The following RNF169 variants were observed in gnomAD, a reference collection of about 807,000 sequenced individuals.
RNF169 encodes the protein E3 ubiquitin-protein ligase RNF169.
Under a neutral mutation model 53.9 loss-of-function variants are expected in RNF169, and 24 were observed. The ratio of observed to expected loss-of-function variants is 0.45; its 90% CI spans 0.32 to 0.63. RNF169 has a LOEUF of 0.63. RNF169 is among the 20% of genes least tolerant of loss of function. The pLI is 0.04. For synonymous variants in RNF169, 396 were observed against 363.5 expected, an observed-to-expected ratio of 1.09 and a Z score of -1.02; for missense variants, 883 against 906.2, an observed-to-expected ratio of 0.97 and a Z score of 0.33.
chr11:74,799,290 TAAATTTTAACTACATG>T (rs2035696313), intron 2 of RNF169, among the ~76,000 whole-genome samples: 1 of 152,108 alleles, frequency 6.6e-6, no homozygotes, highest in Non-Finnish European at 1.5e-5. Context: ...ATAGAATGTT[TAAATTTTAACTACATG>T]AGGGAAGAAC....
intron 1 of RNF169, among the ~76,000 whole-genome samples, chr11:74,787,323 A>G (rs1365174134): frequency 6.6e-6 from 1 of 152,234 alleles, no homozygotes; most frequent in Non-Finnish European, 1.5e-5. Flanking sequence ...ATCAAGAAGA[A>G]AAAGTTAATA....
chr11:74,751,261 A>G (rs2034891451), intron 1 of RNF169, among the ~76,000 whole-genome samples: 1 of 152,178 alleles, frequency 6.6e-6, no homozygotes, highest in African/African-American at 2.4e-5. Context: ...AGAGAGGTTA[A>G]CTAACTTGCC....
At chr11:74,828,474 A>C (rs2036130777) in intron 4 of RNF169, among the ~76,000 whole-genome samples, 2 of 152,222 alleles carry the variant, frequency 1.3e-5, no homozygotes, top group Admixed American at 1.3e-4. Context: ...AATTAGAAAA[A>C]ACTATTTTAA....
intron 1 of RNF169, among the ~76,000 whole-genome samples, chr11:74,788,728 T>A (rs190921327): frequency 6.6e-6 from 1 of 152,336 alleles, no homozygotes; most frequent in East Asian, 1.9e-4. Context: ...AAAAATTTCT[T>A]ACATTAATTT....
At chr11:74,814,964 A>G (rs2035923951) in intron 3 of RNF169, among the ~76,000 whole-genome samples, 1 of 152,130 alleles carries the variant, frequency 6.6e-6, no homozygotes, top group African/African-American at 2.4e-5. Flanking sequence ...TAGGTTTATT[A>G]TGCTCCCACC....
chr11:74,778,947 A>C (rs2035377207), intron 1 of RNF169, among the ~76,000 whole-genome samples: 1 of 152,178 alleles, frequency 6.6e-6, no homozygotes, highest in African/African-American at 2.4e-5. Context: ...TGCATCTTTC[A>C]CTAACTTAAG....
intron 3 of RNF169, among the ~76,000 whole-genome samples, chr11:74,814,998 C>CT (rs1164858510): frequency 2.0e-5 from 3 of 152,154 alleles, no homozygotes; most frequent in African/African-American, 7.2e-5. Context: ...GAGTACTAAA[C>CT]TAATTTCCTC....
At position 74,838,626 on chromosome 11, in the gene RNF169, T is replaced by TGC. The variant is rs1204268003; in HGVS notation, c.*1897_*1898dup. 4 of 152,256 alleles carry TGC rather than the reference T, an allele frequency of 2.6e-5. No individual in the cohort carries two copies. Among genetic ancestry groups the TGC allele is most frequent in the African/African-American group, 7.2e-5 (3 of 41,468 alleles). The allele number at this position is 152,256 out of a possible 1,614,324, so 9.4% of individuals were successfully genotyped here. The stretch of plus-strand genomic sequence containing the variant: ...ATGCATTCTGTGTTCTCTGTGTGTG[T>TGC]GCACATATGCAGATGTATGTTTTAA... On this transcript the variant is annotated 3_prime_UTR_variant, in exon 6 of 6. Transcript: ENST00000299563.
At chr11:74,800,720 T>C (rs2035716830) in intron 2 of RNF169, among the ~76,000 whole-genome samples, 1 of 152,240 alleles carries the variant, frequency 6.6e-6, no homozygotes, top group African/African-American at 2.4e-5. Flanking sequence ...AGTTGGAGGC[T>C]GGCAAGTTAC....
At chr11:74,813,450 G>A (rs1176877411) in intron 3 of RNF169, among the ~76,000 whole-genome samples, 1 of 151,962 alleles carries the variant, frequency 6.6e-6, no homozygotes. Context: ...ATAATAATGC[G>A]AATTATTAGA....
intron 4 of RNF169, among the ~76,000 whole-genome samples, chr11:74,823,333 G>C (rs993604350): frequency 1.3e-5 from 2 of 152,124 alleles, no homozygotes; most frequent in African/African-American, 4.8e-5. Context: ...AACTCCAAAA[G>C]CCTTCCATAA....
At chr11:74,827,780 C>T (rs939825609) in intron 4 of RNF169, among the ~76,000 whole-genome samples, 4 of 152,124 alleles carry the variant, frequency 2.6e-5, no homozygotes, top group Non-Finnish European at 5.9e-5. Context: ...AAATTCAGCA[C>T]CCCTTCATGT....
chr11:74,803,101 T>TG (rs1224000581), intron 2 of RNF169, among the ~76,000 whole-genome samples: 2 of 150,184 alleles, frequency 1.3e-5, no homozygotes, highest in African/African-American at 2.5e-5. Context: ...TCTTTTTTTT[T>TG]TTTTGAGATA....
At chr11:74,786,243 T>G (rs1179312313) in intron 1 of RNF169, among the ~76,000 whole-genome samples, 1 of 143,462 alleles carries the variant, frequency 7.0e-6, no homozygotes, top group Non-Finnish European at 1.5e-5. Context: ...CTGGCCTGTT[T>G]CTTTTTTTTT....
intron 1 of RNF169, among the ~76,000 whole-genome samples, chr11:74,782,650 G>A (rs1565175821): frequency 6.6e-6 from 1 of 152,128 alleles, no homozygotes; most frequent in African/African-American, 2.4e-5. Context: ...AATATAAGTG[G>A]TATAGCATCA....
At chr11:74,800,373 A>G (rs891065823) in intron 2 of RNF169, among the ~76,000 whole-genome samples, 1 of 152,230 alleles carries the variant, frequency 6.6e-6, no homozygotes, top group African/African-American at 2.4e-5. Flanking sequence ...ATCATAATAC[A>G]GATGATGTAG....
At chr11:74,761,040 G>T in intron 1 of RNF169, among the ~76,000 whole-genome samples, 1 of 56,790 alleles carries the variant, frequency 1.8e-5, no homozygotes, top group Non-Finnish European at 3.1e-5. Context: ...TCCTCTTGTT[G>T]AATTGATCCC....
rs2034846959 is a variant in RNF169, at chr11:74,749,332, C to T, written c.452C>T (p.Ala151Val). The change falls in exon 1 of 6, where the codon GCC becomes GTC. Residue 151 changes from alanine (A) to valine (V), a missense_variant. Around this residue, in one of 3 missense-constraint regions of RNF169, gnomAD observed 313 missense variants for 279.9 expected, o/e 1.12. Transcript: ENST00000299563. ...CRPRRDGGAA[A>V]AGPRPEQEPR... ...CCGCGCCGGGACGGGGGCGCGGCTG[C>T]CGCGGGGCCCAGGCCAGAGCAGGAG... is the stretch of plus-strand genomic sequence containing the variant. 1 of 1,207,934 alleles carries T rather than the reference C, an allele frequency of 8.3e-7. No homozygotes were observed. The allele number at this position is 1,207,934 out of a possible 1,614,324, so 74.8% of individuals were successfully genotyped here.
chr11:74,799,160 A>G (rs1424894608), intron 2 of RNF169, among the ~76,000 whole-genome samples: 1 of 147,394 alleles, frequency 6.8e-6, no homozygotes. Context: ...AGAAATGCCC[A>G]CTTTTAGCAT....
Sources: allele counts gnomAD v4.1 joint callset (sites outside exome capture counted in the v4.1 genomes callset), GRCh38; gene constraint gnomAD v4.1.1; regional missense constraint gnomAD v4.1.1; transcripts MANE v1.5; gene names NCBI Gene and HGNC (gene_info 2026-07-23, HGNC 2026-07-21).